Variants in HYDIN observed in about 807,000 individuals in gnomAD.
The protein encoded by HYDIN is axonemal central pair apparatus protein HYDIN.
A neutral mutation model predicts 403.9 loss-of-function variants in HYDIN; 132 were observed. The ratio of observed to expected loss-of-function variants is 0.33; its 90% CI spans 0.28 to 0.38. The LOEUF (loss-of-function observed/expected upper bound fraction) is 0.38. Among genes scored for constraint, HYDIN ranks in the 10% least tolerant of loss-of-function variants. The probability of loss-of-function intolerance (pLI) is 1.00; values close to 1 mark genes in which losing one functional copy is unlikely to be tolerated. For synonymous variants in HYDIN, 1,202 were observed against 1,891.7 expected, an observed-to-expected ratio of 0.64 and a Z score of 9.46; for missense variants, 2,827 against 5,009.5, an observed-to-expected ratio of 0.56 and a Z score of 13.15.
At chr16:70,908,036 T>C (rs1324045382) in intron 49 of HYDIN, among the ~76,000 whole-genome samples, 3 of 152,294 alleles carry the variant, frequency 2.0e-5, no homozygotes, top group East Asian at 1.9e-4. Flanking sequence ...TTTGCACCTA[T>C]GATCATTCTC....
chr16:70,976,821 A>G (rs1285607259), intron 30 of HYDIN, among the ~76,000 whole-genome samples: 5 of 152,250 alleles, frequency 3.3e-5, no homozygotes, highest in African/African-American at 1.2e-4. Context: ...AGGTTGAGAA[A>G]TACTATTTGA....
chr16:71,219,411 A>G (rs1271858080), intron 1 of HYDIN, among the ~76,000 whole-genome samples: 1 of 152,144 alleles, frequency 6.6e-6, no homozygotes, highest in Non-Finnish European at 1.5e-5. Flanking sequence ...AACCAAGTTG[A>G]CTTTTTGGTA....
At chr16:71,139,248 G>C (rs1033471106) in intron 7 of HYDIN, among the ~76,000 whole-genome samples, 13 of 152,106 alleles carry the variant, frequency 8.5e-5, no homozygotes, top group African/African-American at 2.9e-4. Flanking sequence ...TGACTGGTTA[G>C]ACACTTGGTG....
intron 23 of HYDIN, among the ~76,000 whole-genome samples, chr16:71,010,645 C>G (rs991010622): frequency 6.6e-6 from 1 of 152,152 alleles, no homozygotes. Flanking sequence ...AGCAGGGTCA[C>G]ATGGGGCAGG....
chr16:70,865,898 G>A (rs1196422315), intron 67 of HYDIN, among the ~76,000 whole-genome samples: 1 of 152,238 alleles, frequency 6.6e-6, no homozygotes, highest in African/African-American at 2.4e-5. Context: ...GTAGATTGCT[G>A]CAAGGACTGC....
rs970142573 is a variant in HYDIN at position 70,948,734 on chromosome 16, A to G, written c.6531+3687T>C. Among the ~76,000 whole-genome samples the G allele has an allele frequency of 1.2e-4, 19 of 152,198 alleles. No individual in the cohort carries two copies. The South Asian group carries it at 3.7e-3, about 30-fold the overall frequency. Reference sequence around the variant, plus strand: ...GCTCACCATCACTGGCCATCAGAGGAATGCAAATCAAAACCACAATGAGAT... The same window carrying G: ...GCTCACCATCACTGGCCATCAGAGGGATGCAAATCAAAACCACAATGAGAT... On this transcript the variant is annotated intron_variant, in intron 41 of 85. Coordinates refer to ENST00000393567, the MANE Select transcript of HYDIN (RefSeq NM_001270974.2).
intron 12 of HYDIN, among the ~76,000 whole-genome samples, chr16:71,083,731 G>A (rs574019734): frequency 5.9e-5 from 9 of 152,032 alleles, no homozygotes; most frequent in Admixed American, 3.3e-4. Context: ...GCCACTTTGC[G>A]TAGTGTGATG....
intron 10 of HYDIN, among the ~76,000 whole-genome samples, chr16:71,110,413 A>G (rs2083776237): frequency 7.1e-6 from 1 of 141,430 alleles, no homozygotes; most frequent in Non-Finnish European, 1.5e-5. Flanking sequence ...TATATATAAT[A>G]TATTTATATA....
At chr16:70,972,103 A>G (rs2078750881) in intron 35 of HYDIN, among the ~76,000 whole-genome samples, 1 of 150,480 alleles carries the variant, frequency 6.6e-6, no homozygotes, top group Non-Finnish European at 1.5e-5. Flanking sequence ...AAAATCCACA[A>G]TCTTGAGTAA....
chr16:70,905,433 G>A (rs531433214), intron 50 of HYDIN, among the ~76,000 whole-genome samples: 1 of 151,910 alleles, frequency 6.6e-6, no homozygotes, highest in South Asian at 2.1e-4. Flanking sequence ...GCTTGAGCTC[G>A]GAGTTCGAGA....
Position 70,807,566 on chromosome 16 carries a change from A to C in HYDIN, c.*14T>G. On this transcript the variant is annotated 3_prime_UTR_variant, in exon 86 of 86. Transcript: ENST00000393567. Reference sequence around the variant, plus strand: ...TGCATAGCTTTTGGTTGATACAGGTAACCCTGGTTACCACTAAAGGGTGAT... The same window carrying C: ...TGCATAGCTTTTGGTTGATACAGGTCACCCTGGTTACCACTAAAGGGTGAT... 1 of 1,593,026 alleles carries C rather than the reference A, an allele frequency of 6.3e-7. No individual in the cohort carries two copies. Among genetic ancestry groups the C allele is most frequent in the South Asian group, 1.1e-5 (1 of 87,000 alleles).
At chr16:70,825,105 A>C (rs2036511219) in intron 83 of HYDIN, among the ~76,000 whole-genome samples, 1 of 152,198 alleles carries the variant, frequency 6.6e-6, no homozygotes, top group Admixed American at 6.5e-5. Flanking sequence ...TTTTGCTGTC[A>C]TAAGAGTTTT....
intron 9 of HYDIN, among the ~76,000 whole-genome samples, chr16:71,117,675 A>C (rs2084092795): frequency 6.6e-6 from 1 of 151,870 alleles, no homozygotes; most frequent in South Asian, 2.1e-4. Flanking sequence ...CTTGATAAAT[A>C]ATTAGGCTCC....
rs1159286913 is a variant in HYDIN at position 70,882,612 on chromosome 16, A to T, written c.10215+48T>A. ...AGAGGATGCTGAGAGCCCTTTTTCC[A>T]GCTTTATGTGAACCACGCTGGGCCA... On this transcript the variant is annotated intron_variant, in intron 60 of 85. Coordinates refer to ENST00000393567, the MANE Select transcript of HYDIN (RefSeq NM_001270974.2). The T allele has an allele frequency of 2.8e-6, 4 of 1,408,480 alleles. No homozygotes were observed. In the East Asian group the frequency reaches 9.1e-5, roughly 32 times the overall value. The allele number at this position is 1,408,480 out of a possible 1,614,324, so 87.2% of individuals were successfully genotyped here.
chr16:70,831,233 G>C (rs1456382891), intron 80 of HYDIN, among the ~76,000 whole-genome samples: 1 of 151,958 alleles, frequency 6.6e-6, no homozygotes, highest in Non-Finnish European at 1.5e-5. Context: ...CAGAAGGCCA[G>C]GCTTGGTGGC....
At chr16:71,086,783 C>T (rs1442600991) in intron 12 of HYDIN, among the ~76,000 whole-genome samples, 1 of 151,964 alleles carries the variant, frequency 6.6e-6, no homozygotes, top group Non-Finnish European at 1.5e-5. Context: ...CTAGAGGATC[C>T]GTGAATTGGA....
At chr16:71,191,280 T>A (rs1213251409) in intron 1 of HYDIN, among the ~76,000 whole-genome samples, 1 of 152,210 alleles carries the variant, frequency 6.6e-6, no homozygotes, top group East Asian at 1.9e-4. Context: ...TTTGTTTTGT[T>A]GAGAAGGATA....
intron 1 of HYDIN, among the ~76,000 whole-genome samples, chr16:71,192,687 C>T (rs573935846): frequency 6.6e-6 from 1 of 152,294 alleles, no homozygotes; most frequent in South Asian, 2.1e-4. Flanking sequence ...CTTATGATCT[C>T]ACAGGTCCTC....
At chr16:71,169,465 T>C (rs2086374525) in intron 5 of HYDIN, among the ~76,000 whole-genome samples, 1 of 151,994 alleles carries the variant, frequency 6.6e-6, no homozygotes, top group Non-Finnish European at 1.5e-5. Context: ...GGCATATATA[T>C]ACAATGGAAT....
Sources: allele counts gnomAD v4.1 joint callset (sites outside exome capture counted in the v4.1 genomes callset), GRCh38; gene constraint gnomAD v4.1.1; transcripts MANE v1.5; gene names NCBI Gene and HGNC (gene_info 2026-07-23, HGNC 2026-07-21).